RBFOX1: variants seen among roughly 807,000 people sequenced by gnomAD.
RBFOX1 encodes the protein RNA binding protein fox-1 homolog 1.
Under a neutral mutation model 57.7 loss-of-function variants are expected in RBFOX1, and 8 were observed. The observed-to-expected ratio is 0.14, with a 90% CI of 0.08 to 0.25. RBFOX1 has a LOEUF of 0.25. Among genes scored for constraint, RBFOX1 ranks in the 10% least tolerant of loss-of-function variants. The pLI, the probability that RBFOX1 is intolerant of heterozygous loss-of-function variation, is 1.00. For missense variants in RBFOX1, 611 were observed against 548.5 expected (o/e 1.11, Z -1.14); for synonymous variants, 326 against 222.4 (o/e 1.47, Z -4.15).
intron 2 of RBFOX1, among the ~76,000 whole-genome samples, chr16:6,430,295 C>T (rs779076054): frequency 2.0e-5 from 3 of 152,152 alleles, no homozygotes; most frequent in African/African-American, 7.2e-5. Context: ...AGTCTCTCCT[C>T]TTGAGGAGCT....
chr16:6,461,081 C>T (rs1379327981), intron 2 of RBFOX1, among the ~76,000 whole-genome samples: 1 of 151,900 alleles, frequency 6.6e-6, no homozygotes, highest in Non-Finnish European at 1.5e-5. Flanking sequence ...GAGAGGGGAA[C>T]AACACTCACT....
chr16:7,692,225 T>C (rs1052676025), intron 14 of RBFOX1, among the ~76,000 whole-genome samples: 2 of 152,238 alleles, frequency 1.3e-5, no homozygotes, highest in East Asian at 3.9e-4. Context: ...CTAAAAATAT[T>C]ATTCTCAAAG....
chr16:6,819,075 T>C lies in RBFOX1; in HGVS notation c.-16+164425T>C, dbSNP rs751644344. Among the ~76,000 whole-genome samples, 18 of 152,216 alleles carry C rather than the reference T, an allele frequency of 1.2e-4. 1 individual carries two copies. The highest frequency in any genetic ancestry group is 2.5e-4 in the Non-Finnish European group (17 of 68,038). ...ATAAGCGACTTGAATGAGTTCTGTCTGAATCCAAACACCACAGACTTCCGG... is the reference window on the plus strand; with the variant it reads ...ATAAGCGACTTGAATGAGTTCTGTCCGAATCCAAACACCACAGACTTCCGG... On this transcript the variant is annotated intron_variant, in intron 3 of 15. Coordinates refer to ENST00000550418, the MANE Select transcript of RBFOX1 (RefSeq NM_018723.4).
At chr16:7,572,422 G>T (rs1343888229) in intron 5 of RBFOX1, among the ~76,000 whole-genome samples, 1 of 152,140 alleles carries the variant, frequency 6.6e-6, no homozygotes, top group Admixed American at 6.5e-5. Flanking sequence ...TTGCCTCCCA[G>T]GAGACATTTG....
chr16:7,153,223 A>C (rs911228362), intron 4 of RBFOX1, among the ~76,000 whole-genome samples: 2 of 151,914 alleles, frequency 1.3e-5, no homozygotes, highest in Non-Finnish European at 2.9e-5. Context: ...CAATAACTCA[A>C]CTTTGAGTCT....
chr16:6,580,445 C>T (rs1175560129), intron 2 of RBFOX1, among the ~76,000 whole-genome samples: 1 of 152,178 alleles, frequency 6.6e-6, no homozygotes, highest in Non-Finnish European at 1.5e-5. Context: ...TTAAGCTACA[C>T]TGATATGCAA....
At chr16:6,501,821 G>A (rs949157485) in intron 2 of RBFOX1, among the ~76,000 whole-genome samples, 11 of 125,354 alleles carry the variant, frequency 8.8e-5, no homozygotes, top group Non-Finnish European at 1.0e-4. Flanking sequence ...GCTGACACTG[G>A]GGGGAAATTC....
At chr16:7,464,373 A>G (rs1412516932) in intron 4 of RBFOX1, among the ~76,000 whole-genome samples, 1 of 152,100 alleles carries the variant, frequency 6.6e-6, no homozygotes, top group African/African-American at 2.4e-5. Context: ...ATATCGCAGA[A>G]GCTGGTAAAA....
rs549560052 is a variant in RBFOX1 at position 6,044,429 on chromosome 16, T to TTCC, written c.-127+24438_-127+24440dup. ...ATGAGGAATTCAAGAACACTGCCCC[T>TTCC]TCCATATTCGCAAGATGTGACAGGC... On this transcript the variant is annotated intron_variant, in intron 1 of 15. Transcript: ENST00000550418. 7.2e-4 allele frequency among the ~76,000 whole-genome samples: 109 copies of TTCC among 151,870 alleles called. 1 individual carries two copies. The highest frequency in any genetic ancestry group is 2.5e-3 in the African/African-American group (103 of 41,394).
At chr16:5,950,572 A>AAG (rs768954954) in intron 4 of RBFOX1, among the ~76,000 whole-genome samples, 2 of 152,276 alleles carry the variant, frequency 1.3e-5, no homozygotes, top group East Asian at 3.9e-4. Context: ...TTAATGTGTT[A>AAG]CAATCATTGC....
At chr16:7,254,829 C>T (rs901434339) in intron 4 of RBFOX1, among the ~76,000 whole-genome samples, 2 of 151,996 alleles carry the variant, frequency 1.3e-5, no homozygotes, top group Non-Finnish European at 2.9e-5. Flanking sequence ...AAGAAAAAGA[C>T]TGGAAGTTTA....
chr16:6,457,444 C>CCCCT (rs77087144), intron 2 of RBFOX1, among the ~76,000 whole-genome samples: 2 of 132,828 alleles, frequency 1.5e-5, no homozygotes, highest in South Asian at 2.4e-4. Context: ...GAAGTCCCCC[C>CCCCT]CCCCGCAATA....
At chr16:7,178,853 A>G (rs971737733) in intron 4 of RBFOX1, among the ~76,000 whole-genome samples, 1 of 152,168 alleles carries the variant, frequency 6.6e-6, no homozygotes, top group Non-Finnish European at 1.5e-5. Context: ...AACATACTTC[A>G]TACTTCTTTA....
upstream of RBFOX1, among the ~76,000 whole-genome samples, chr16:6,016,544 T>C (rs1216458831): frequency 6.6e-4 from 100 of 152,292 alleles, 2 homozygotes; most frequent in Non-Finnish European, 5.9e-5. Flanking sequence ...TAAAGTAAGA[T>C]GATGAAATTT....
chr16:5,259,916 A>G (rs896936865), intron 1 of RBFOX1, among the ~76,000 whole-genome samples: 6 of 152,140 alleles, frequency 3.9e-5, no homozygotes, highest in African/African-American at 1.4e-4. Flanking sequence ...AGTGTAAGTG[A>G]GGAGGCTGGG....
chr16:6,537,803 C>T (rs12448569), intron 2 of RBFOX1, among the ~76,000 whole-genome samples: 3 of 152,046 alleles, frequency 2.0e-5, no homozygotes, highest in Admixed American at 2.0e-4. Context: ...AGCTGAAATT[C>T]AGGAAATGAT....
chr16:7,363,156 G>C (rs2097362640), intron 4 of RBFOX1, among the ~76,000 whole-genome samples: 1 of 152,130 alleles, frequency 6.6e-6, no homozygotes, highest in African/African-American at 2.4e-5. Context: ...TTTTCATTAT[G>C]AGAGGCTTTG....
rs1206079921 is a variant in RBFOX1 at position 7,127,125 on chromosome 16, T to C, written c.27+75027T>C. Among the ~76,000 whole-genome samples the C allele has an allele frequency of 4.6e-5, 7 of 152,254 alleles. No homozygotes were observed. In the East Asian group the frequency reaches 9.6e-4, roughly 21 times the overall value. ...GGGGAGCACTTCATGTGGTCATAAA[T>C]GGTGGCTGGTGTTCTACCCCTGACT... On this transcript the variant is annotated intron_variant, in intron 4 of 15. Coordinates refer to ENST00000550418, the MANE Select transcript of RBFOX1 (RefSeq NM_018723.4).
intron 1 of RBFOX1, among the ~76,000 whole-genome samples, chr16:6,291,575 A>G (rs2077469504): frequency 6.6e-6 from 1 of 152,214 alleles, no homozygotes; most frequent in African/African-American, 2.4e-5. Flanking sequence ...ATGGCTACAA[A>G]GATGGAAAGC....
Sources: gnomAD v4.1 joint callset for allele counts (sites outside exome capture counted in the v4.1 genomes callset) on GRCh38, gnomAD v4.1.1 for gene constraint, MANE v1.5 for transcripts, NCBI Gene and HGNC (gene_info 2026-07-23, HGNC 2026-07-21) for gene names.